The following MBD5 variants were observed in gnomAD, a reference collection of about 807,000 sequenced individuals.
MBD5 encodes methyl-CpG-binding domain protein 5.
Under a neutral mutation model 117.3 loss-of-function variants are expected in MBD5, and 13 were observed. That is an observed-to-expected ratio of 0.11 (90% confidence interval 0.07 to 0.18). The LOEUF (loss-of-function observed/expected upper bound fraction) is 0.18, where lower values mean the gene tolerates loss of function less well. Among genes scored for constraint, MBD5 ranks in the 10% least tolerant of loss-of-function variants. The probability of loss-of-function intolerance (pLI) is 1.00; values close to 1 mark genes in which losing one functional copy is unlikely to be tolerated. For missense variants in MBD5, 1,879 were observed against 2,093.8 expected, an observed-to-expected ratio of 0.90 and a Z score of 2.00; for synonymous variants, 727 against 766.4, an observed-to-expected ratio of 0.95 and a Z score of 0.85.
At chr2:148,244,695 A>G (rs1357397289) in intron 3 of MBD5, among the ~76,000 whole-genome samples, 4 of 152,224 alleles carry the variant, frequency 2.6e-5, no homozygotes, top group Non-Finnish European at 5.9e-5. Flanking sequence ...AACAAGGCTG[A>G]TGAAGTCTCT....
At chr2:148,079,517 C>T (rs111319943) in intron 1 of MBD5, among the ~76,000 whole-genome samples, 11 of 151,960 alleles carry the variant, frequency 7.2e-5, no homozygotes, top group African/African-American at 2.2e-4. Context: ...CTCTGCCAGT[C>T]CACTGCATCT....
intron 11 of MBD5, among the ~76,000 whole-genome samples, chr2:148,502,025 C>G (rs1457794530): frequency 6.6e-6 from 1 of 152,158 alleles, no homozygotes; most frequent in Admixed American, 6.5e-5. Context: ...TCTGTTGGCC[C>G]AAGGCCCACC....
At chr2:148,225,402 G>A in intron 2 of MBD5, among the ~76,000 whole-genome samples, 1 of 151,688 alleles carries the variant, frequency 6.6e-6, no homozygotes, top group Non-Finnish European at 1.5e-5. Flanking sequence ...TTATTGTATT[G>A]TTTATGTCTT....
intron 3 of MBD5, among the ~76,000 whole-genome samples, chr2:148,253,279 T>G (rs762789316): frequency 6.6e-6 from 1 of 152,220 alleles, no homozygotes; most frequent in African/African-American, 2.4e-5. Flanking sequence ...AAGACCTTTA[T>G]ATGTAGTTAT....
intron 4 of MBD5, among the ~76,000 whole-genome samples, chr2:148,373,974 A>G (rs887522931): frequency 6.6e-6 from 1 of 152,100 alleles, no homozygotes; most frequent in Non-Finnish European, 1.5e-5. Context: ...AGCCCAATAT[A>G]AGGCTCAAAG....
intron 1 of MBD5, among the ~76,000 whole-genome samples, chr2:148,060,230 A>G (rs1234429): frequency 0.56 from 83,705 of 148,618 alleles, 23,662 homozygotes; most frequent in Middle Eastern, 0.69. Context: ...GATTGCTTGA[A>G]CCTGTGAGGT....
intron 1 of MBD5, among the ~76,000 whole-genome samples, chr2:148,117,325 T>TA (rs202242983): frequency 0.14 from 19,544 of 143,692 alleles, 1,974 homozygotes; most frequent in African/African-American, 0.29. Context: ...CCTTTTTCAA[T>TA]AAAAAAAAAA....
At chr2:148,203,471 C>A (rs753810785) in intron 2 of MBD5, among the ~76,000 whole-genome samples, 2 of 152,126 alleles carry the variant, frequency 1.3e-5, no homozygotes, top group African/African-American at 2.4e-5. Flanking sequence ...TCTTTTTATT[C>A]TTTTCCTGAA....
intron 3 of MBD5, among the ~76,000 whole-genome samples, chr2:148,301,619 A>G (rs1437295534): frequency 1.3e-5 from 2 of 152,148 alleles, no homozygotes; most frequent in Admixed American, 1.3e-4. Flanking sequence ...ATATCTTGGC[A>G]TGTTTCTAGG....
At chr2:148,454,688 A>G (rs1211573155) in intron 4 of MBD5, among the ~76,000 whole-genome samples, 1 of 152,168 alleles carries the variant, frequency 6.6e-6, no homozygotes, top group Admixed American at 6.6e-5. Context: ...GATAGTATTT[A>G]ACTTCATCTG....
At chr2:148,381,370 A>G (rs540451282) in intron 4 of MBD5, among the ~76,000 whole-genome samples, 573 of 152,298 alleles carry the variant, frequency 3.8e-3, no homozygotes, top group Non-Finnish European at 6.0e-3. Context: ...GGGTATCAGC[A>G]ATGGAAGATG....
chr2:148,383,840 A>G (rs560422008), intron 4 of MBD5, among the ~76,000 whole-genome samples: 4 of 152,218 alleles, frequency 2.6e-5, no homozygotes, highest in Non-Finnish European at 4.4e-5. Context: ...CAGCATATAA[A>G]CAGAACCAAA....
At chr2:148,075,326 G>A (rs1695480492) in intron 1 of MBD5, among the ~76,000 whole-genome samples, 1 of 152,172 alleles carries the variant, frequency 6.6e-6, no homozygotes, top group Non-Finnish European at 1.5e-5. Context: ...ACCAGAATGA[G>A]GGTCTAGAAC....
chr2:148,170,626 G>A (rs1698242528), intron 1 of MBD5, among the ~76,000 whole-genome samples: 1 of 152,192 alleles, frequency 6.6e-6, no homozygotes, highest in South Asian at 2.1e-4. Flanking sequence ...GAATGACTGG[G>A]ATCTTGAAGG....
At chr2:148,169,678 T>A (rs892343858) in intron 1 of MBD5, among the ~76,000 whole-genome samples, 3 of 152,314 alleles carry the variant, frequency 2.0e-5, no homozygotes, top group Admixed American at 1.3e-4. Flanking sequence ...AATATTTCAC[T>A]TACTGTTAAT....
At chr2:148,217,995 C>T (rs909149574) in intron 2 of MBD5, among the ~76,000 whole-genome samples, 1 of 152,098 alleles carries the variant, frequency 6.6e-6, no homozygotes, top group African/African-American at 2.4e-5. Context: ...ACAGCTTTGT[C>T]CATTGATGTG....
intron 1 of MBD5, among the ~76,000 whole-genome samples, chr2:148,031,339 T>TAA (rs35688557): frequency 6.7e-6 from 1 of 149,848 alleles, no homozygotes. Context: ...ATATGCCTTG[T>TAA]AAAAAAAAAA....
chr2:148,227,925 G>T (rs184637395), intron 2 of MBD5, among the ~76,000 whole-genome samples: 3 of 152,168 alleles, frequency 2.0e-5, no homozygotes, highest in South Asian at 2.1e-4. Context: ...TGTTATTGGT[G>T]TATAAGAATG....
intron 12 of MBD5, chr2:148,503,026 G>A (rs1349132847): frequency 6.0e-6 from 1 of 166,284 alleles, no homozygotes; most frequent in African/African-American, 2.4e-5. Context: ...TTTCAGGCCA[G>A]TATTATTCAA....
Sources: gnomAD v4.1 joint callset for allele counts (sites outside exome capture counted in the v4.1 genomes callset) on GRCh38, gnomAD v4.1.1 for gene constraint, MANE v1.5 for transcripts, NCBI Gene and HGNC (gene_info 2026-07-23, HGNC 2026-07-21) for gene names.